Variants in COL11A1 observed in about 807,000 individuals in gnomAD.
COL11A1 encodes collagen type XI alpha 1 chain.
Under a neutral mutation model 265.2 loss-of-function variants are expected in COL11A1, and 74 were observed. The observed-to-expected ratio is 0.28, with a 90% confidence interval of 0.23 to 0.34. The LOEUF (loss-of-function observed/expected upper bound fraction) is 0.34. Ranked by LOEUF, COL11A1 falls within the 10% of genes least tolerant of loss-of-function variation. The pLI is 1.00. For missense variants in COL11A1, 2,165 were observed against 2,263.6 expected (o/e 0.96, Z 0.88); for synonymous variants, 816 against 727.6 (o/e 1.12, Z -1.96).
intron 41 of COL11A1, among the ~76,000 whole-genome samples, chr1:102,948,300 A>C (rs755364966): frequency 2.0e-5 from 3 of 152,082 alleles, no homozygotes; most frequent in Non-Finnish European, 2.9e-5. Flanking sequence ...CTGTTTTAAA[A>C]ATGAAGAATC....
At chr1:103,017,743 T>G in intron 11 of COL11A1, 77 bp downstream of exon 11, 1 of 1,254,624 alleles carries the variant, frequency 8.0e-7, no homozygotes, top group Non-Finnish European at 1.2e-6. Flanking sequence ...TAACATGTTA[T>G]ACTTGTAGAA....
At chr1:103,034,267 C>T (rs1226250203) in intron 4 of COL11A1, among the ~76,000 whole-genome samples, 3 of 151,994 alleles carry the variant, frequency 2.0e-5, no homozygotes, top group South Asian at 4.1e-4. Context: ...AGTGTTCAGT[C>T]ATTACTTTGT....
intron 4 of COL11A1, among the ~76,000 whole-genome samples, chr1:103,040,125 G>T (rs919309535): frequency 6.6e-5 from 10 of 151,906 alleles, no homozygotes; most frequent in African/African-American, 1.2e-4. Flanking sequence ...GCTAGTAAAA[G>T]ATTAAAATAA....
At chr1:102,991,938 G>A (rs1664180385) in intron 28 of COL11A1, among the ~76,000 whole-genome samples, 1 of 151,226 alleles carries the variant, frequency 6.6e-6, no homozygotes, top group Admixed American at 6.6e-5. Context: ...CTTAAGAGCT[G>A]TAAATGACCA....
At chr1:103,047,249 T>C (rs1163504648) in intron 4 of COL11A1, among the ~76,000 whole-genome samples, 1 of 152,196 alleles carries the variant, frequency 6.6e-6, no homozygotes, top group East Asian at 1.9e-4. Flanking sequence ...GCATGGAATG[T>C]TCTTCCATTT....
chr1:103,047,933 T>C (rs1332986471), intron 4 of COL11A1, among the ~76,000 whole-genome samples: 2 of 152,228 alleles, frequency 1.3e-5, no homozygotes, highest in African/African-American at 4.8e-5. Context: ...TGAACAAGCC[T>C]TGCATCCCAG....
At chr1:102,897,438 A>AT (rs1652570805) in intron 57 of COL11A1, among the ~76,000 whole-genome samples, 1 of 146,628 alleles carries the variant, frequency 6.8e-6, no homozygotes, top group African/African-American at 2.5e-5. Flanking sequence ...ACCATAAGAA[A>AT]AAAAAATATA....
rs371264209 is a variant in COL11A1, at chr1:102,923,297, A to G, written c.3654+39T>C. 2.8e-5 allele frequency: 43 copies of G among 1,541,952 alleles called. No individual in the cohort carries two copies. In the African/African-American group the frequency reaches 5.6e-4, roughly 20 times the overall value. The stretch of plus-strand genomic sequence containing the variant: ...TTACAAACCAGTGACTGCCATGCAT[A>G]TAACACATACCCATCAAACACCAAA... On this transcript the variant is annotated intron_variant, in intron 47 of 66. Transcript: ENST00000370096.
intron 4 of COL11A1, among the ~76,000 whole-genome samples, chr1:103,066,566 A>AG (rs1188375565): frequency 6.6e-6 from 1 of 151,554 alleles, no homozygotes; most frequent in East Asian, 1.9e-4. Context: ...AAAAAAAAAA[A>AG]AAAAGACTGG....
rs182616100 is a variant in COL11A1 at position 102,943,818 on chromosome 1, T to A, written c.3276+3031A>T. ...GACTTCACTGTGTTTTAGATCTAGC[T>A]CTTCCCCCCAATTTCTACAACTGTC... On this transcript the variant is annotated intron_variant, in intron 42 of 66. Coordinates refer to ENST00000370096, the MANE Select transcript of COL11A1 (RefSeq NM_001854.4). 2.0e-5 allele frequency among the ~76,000 whole-genome samples: 3 copies of A among 152,262 alleles called. No individual in the cohort carries two copies. In the East Asian group the frequency reaches 5.8e-4, roughly 29 times the overall value.
At chr1:102,932,724 T>C (rs1174706633) in intron 46 of COL11A1, among the ~76,000 whole-genome samples, 3 of 151,496 alleles carry the variant, frequency 2.0e-5, no homozygotes, top group African/African-American at 7.3e-5. Flanking sequence ...CACTTTCAGG[T>C]ACACCAATCA....
chr1:103,077,927 T>C (rs1672103053), intron 3 of COL11A1, among the ~76,000 whole-genome samples: 1 of 152,136 alleles, frequency 6.6e-6, no homozygotes, highest in Non-Finnish European at 1.5e-5. Context: ...TTAACATTAC[T>C]TTCTTAAAGG....
At chr1:103,067,007 T>G (rs1671209420) in intron 4 of COL11A1, among the ~76,000 whole-genome samples, 1 of 151,732 alleles carries the variant, frequency 6.6e-6, no homozygotes, top group Non-Finnish European at 1.5e-5. Flanking sequence ...TGCACATGCC[T>G]GAGAATGCAA....
intron 4 of COL11A1, among the ~76,000 whole-genome samples, chr1:103,065,568 AC>A (rs1349412998): frequency 1.9e-4 from 9 of 47,498 alleles, no homozygotes; most frequent in African/African-American, 5.3e-4. Context: ...AAACAAACAA[AC>A]AAACAAAAAA....
In COL11A1 at chr1:102,934,512, A is replaced by G. The variant is rs754304854; in HGVS notation, c.3537T>C (p.Phe1179=). Residue 1179 remains phenylalanine (F), a synonymous_variant, in exon 46 of 67, where the codon TTT becomes TTC. Transcript: ENST00000370096. ...EPGPRGQQGM[F]GQKGDEGARG... ...TGGCACCCTCATCACCTTTTTGCCC[A>G]AACATCCCCTGCTGTCCTCTAGGAC... 3.7e-6 allele frequency: 6 copies of G among 1,614,196 alleles called. No individual in the cohort carries two copies. Among genetic ancestry groups the G allele is most frequent in the Non-Finnish European group, 4.2e-6 (5 of 1,180,030 alleles).
At chr1:103,067,929 C>T (rs10735777) in intron 4 of COL11A1, among the ~76,000 whole-genome samples, 102,716 of 151,298 alleles carry the variant, frequency 0.68, 36,517 homozygotes, top group East Asian at 0.93. Context: ...TAACCTGTAT[C>T]GAGTAAAGAA....
rs1050768088 is a variant in COL11A1, at chr1:102,886,749, T to C, written c.4858+58A>G. 16 of 1,601,904 alleles carry C rather than the reference T, an allele frequency of 1.0e-5. No individual in the cohort carries two copies. The Admixed American group carries it at 1.2e-4, about 12-fold the overall frequency. ...TTAACTAGAATGAATGAGCTGCCAATGCACCTCAGAAACTCAGGGGCTCGG... is the reference window on the plus strand; with the variant it reads ...TTAACTAGAATGAATGAGCTGCCAACGCACCTCAGAAACTCAGGGGCTCGG... On this transcript the variant is annotated intron_variant, in intron 63 of 66. Coordinates refer to ENST00000370096, the MANE Select transcript of COL11A1 (RefSeq NM_001854.4).
intron 50 of COL11A1, 65 bp from the exon 51 acceptor site, chr1:102,914,876 T>C: frequency 1.5e-6 from 2 of 1,320,372 alleles, no homozygotes; most frequent in Non-Finnish European, 2.1e-6. Flanking sequence ...AAGTTTTGCA[T>C]AAAAGTTTAT....
At chr1:103,040,685 T>C (rs910598668) in intron 4 of COL11A1, among the ~76,000 whole-genome samples, 1 of 151,728 alleles carries the variant, frequency 6.6e-6, no homozygotes, top group African/African-American at 2.4e-5. Context: ...ACATTTAAAA[T>C]ACTAAAGAGG....
Sources: allele counts gnomAD v4.1 joint callset (sites outside exome capture counted in the v4.1 genomes callset), GRCh38; gene constraint gnomAD v4.1.1; transcripts MANE v1.5; gene names NCBI Gene and HGNC (gene_info 2026-07-23, HGNC 2026-07-21).